Variants in ADK observed in about 807,000 individuals in gnomAD.
The protein encoded by ADK is adenosine kinase.
Under a neutral mutation model 44.7 loss-of-function variants are expected in ADK, and 24 were observed. The observed-to-expected ratio is 0.54, with a 90% CI of 0.39 to 0.76. ADK has a LOEUF of 0.76. ADK is among the 30% of genes least tolerant of loss of function. The pLI, the probability that ADK is intolerant of heterozygous loss-of-function variation, is 0.00. For missense variants in ADK, 321 were observed against 425.1 expected (o/e 0.76, Z 2.15); for synonymous variants, 128 against 142.6 (o/e 0.90, Z 0.73).
chr10:74,326,579 C>G (rs956102448), intron 4 of ADK, among the ~76,000 whole-genome samples: 4 of 152,082 alleles, frequency 2.6e-5, no homozygotes, highest in African/African-American at 7.2e-5. Context: ...CCACTGTACT[C>G]CAGCCTGGGC....
intron 9 of ADK, among the ~76,000 whole-genome samples, chr10:74,624,464 CT>C (rs1280994829): frequency 6.6e-6 from 1 of 152,044 alleles, no homozygotes; most frequent in Non-Finnish European, 1.5e-5. Flanking sequence ...TAATTTGGCA[CT>C]TAGCCATCTA....
chr10:74,642,291 C>T (rs975439090), intron 9 of ADK, among the ~76,000 whole-genome samples: 46 of 151,336 alleles, frequency 3.0e-4, no homozygotes, highest in African/African-American at 1.1e-3. Context: ...ATGACTCACA[C>T]AAAATCTATT....
At chr10:74,327,352 C>A (rs771432145) in intron 4 of ADK, among the ~76,000 whole-genome samples, 3 of 152,020 alleles carry the variant, frequency 2.0e-5, no homozygotes, top group Non-Finnish European at 4.4e-5. Flanking sequence ...CCATTGTGAT[C>A]GGAAAATATA....
intron 3 of ADK, among the ~76,000 whole-genome samples, chr10:74,298,952 G>T (rs1839909348): frequency 6.6e-6 from 1 of 152,098 alleles, no homozygotes; most frequent in South Asian, 2.1e-4. Flanking sequence ...GACATTGGGT[G>T]TAACATCGGT....
intron 3 of ADK, among the ~76,000 whole-genome samples, chr10:74,283,034 C>T (rs1847008766): frequency 6.6e-6 from 1 of 152,134 alleles, no homozygotes. Flanking sequence ...CTAGATTAGC[C>T]TAAGGAAAAA....
intron 7 of ADK, among the ~76,000 whole-genome samples, chr10:74,545,380 T>C (rs191234680): frequency 7.2e-5 from 11 of 152,330 alleles, no homozygotes; most frequent in Admixed American, 3.3e-4. Context: ...AAGCTGGGCC[T>C]CAATTCGTGG....
chr10:74,371,595 G>A (rs574758549), intron 4 of ADK: 5 of 1,151,126 alleles, frequency 4.3e-6, no homozygotes, highest in Non-Finnish European at 6.5e-6. Context: ...GTTCCTTGCA[G>A]CAGGAACCTG....
chr10:74,410,010 T>C (rs1279946476), intron 6 of ADK, among the ~76,000 whole-genome samples: 1 of 152,160 alleles, frequency 6.6e-6, no homozygotes, highest in Admixed American at 6.5e-5. Flanking sequence ...GCCCTTAAAA[T>C]GAGGTAGTGT....
chr10:74,300,350 CCTTCCTTCCTTT>C (rs1443882750), intron 3 of ADK, among the ~76,000 whole-genome samples: 1,534 of 64,018 alleles, frequency 0.024, 58 homozygotes, highest in Non-Finnish European at 0.028. Context: ...TTCCTTCCTT[CCTTCCTTCCTTT>C]CTTTCTTTCT....
At chr10:74,162,163 G>A (rs1356526106) in intron 1 of ADK, among the ~76,000 whole-genome samples, 1 of 152,018 alleles carries the variant, frequency 6.6e-6, no homozygotes, top group Non-Finnish European at 1.5e-5. Flanking sequence ...TGGGGTTACA[G>A]GTGCCCGCCA....
intron 8 of ADK, 112 bp downstream of exon 8, chr10:74,589,429 G>A: frequency 8.8e-7 from 1 of 1,132,844 alleles, no homozygotes; most frequent in Non-Finnish European, 1.3e-6. Context: ...GAGCCTCGCA[G>A]CAGTTGCCAT....
chr10:74,513,048 T>C (rs1420027400), intron 6 of ADK, among the ~76,000 whole-genome samples: 1 of 152,144 alleles, frequency 6.6e-6, no homozygotes, highest in Non-Finnish European at 1.5e-5. Context: ...TTGTTTAATT[T>C]TCATGTAATG....
At chr10:74,588,152 T>C (rs1851593682) in intron 7 of ADK, among the ~76,000 whole-genome samples, 1 of 152,158 alleles carries the variant, frequency 6.6e-6, no homozygotes, top group Non-Finnish European at 1.5e-5. Context: ...TTTTGCTTCA[T>C]TTTAATTTTT....
intron 7 of ADK, among the ~76,000 whole-genome samples, chr10:74,534,611 A>G (rs1428242667): frequency 6.6e-6 from 1 of 152,228 alleles, no homozygotes; most frequent in African/African-American, 2.4e-5. Context: ...AGGCAATTCC[A>G]TGTGTTTTTC....
chr10:74,175,480 T>A (rs1842299382), intron 1 of ADK, among the ~76,000 whole-genome samples: 1 of 152,148 alleles, frequency 6.6e-6, no homozygotes, highest in African/African-American at 2.4e-5. Flanking sequence ...TAAAATTAAA[T>A]AAATTAAAAA....
intron 7 of ADK, among the ~76,000 whole-genome samples, chr10:74,565,916 CAT>C (rs1850651552): frequency 6.6e-6 from 1 of 152,082 alleles, no homozygotes; most frequent in Non-Finnish European, 1.5e-5. Flanking sequence ...TCTTGAGACA[CAT>C]GTTGCATCTT....
intron 8 of ADK, among the ~76,000 whole-genome samples, chr10:74,595,008 T>C (rs1303599751): frequency 6.6e-6 from 1 of 151,922 alleles, no homozygotes; most frequent in Admixed American, 6.6e-5. Flanking sequence ...AAACCCCATC[T>C]CCCCTTAAAA....
intron 6 of ADK, among the ~76,000 whole-genome samples, chr10:74,417,867 T>C (rs57526837): frequency 0.032 from 4,815 of 152,252 alleles, 285 homozygotes; most frequent in African/African-American, 0.11. Flanking sequence ...TTTTCTCTTA[T>C]AGATTATTAA....
chr10:74,159,437 T>C (rs1030518284), intron 1 of ADK, among the ~76,000 whole-genome samples: 3 of 152,214 alleles, frequency 2.0e-5, no homozygotes, highest in Admixed American at 6.5e-5. Context: ...TGTGTGATCA[T>C]TGGTCACTCA....
Sources: allele counts gnomAD v4.1 joint callset (sites outside exome capture counted in the v4.1 genomes callset), GRCh38; gene constraint gnomAD v4.1.1; transcripts MANE v1.5; gene names NCBI Gene and HGNC (gene_info 2026-07-23, HGNC 2026-07-21).